NCALD: variants seen among roughly 807,000 people sequenced by gnomAD.
NCALD encodes the protein neurocalcin delta, also known as neurocalcin-delta.
Under a neutral mutation model 18.6 loss-of-function variants are expected in NCALD, and 10 were observed. That is an observed-to-expected ratio of 0.54 (90% CI 0.33 to 0.91). The LOEUF (loss-of-function observed/expected upper bound fraction) is 0.91. NCALD is among the 40% of genes least tolerant of loss of function. The pLI is 0.03. For synonymous variants in NCALD, 88 were observed against 87.4 expected (o/e 1.01, Z -0.04); for missense variants, 184 against 247.6 (o/e 0.74, Z 1.72).
chr8:101,933,716 C>T (rs1818657876), intron 2 of NCALD, among the ~76,000 whole-genome samples: 1 of 152,080 alleles, frequency 6.6e-6, no homozygotes, highest in African/African-American at 2.4e-5. Context: ...CTCATCGATC[C>T]TAAAGGACCT....
rs921098837 is a variant in NCALD at position 101,719,713 on chromosome 8, T to C, written c.-19-65A>G. The C allele has an allele frequency of 7.2e-6, 10 of 1,396,212 alleles. No individual in the cohort carries two copies. The African/African-American group carries it at 1.3e-4, about 18-fold the overall frequency. 86.5% of individuals were successfully genotyped at this position (1,396,212 alleles called of 1,614,324 possible). ...GCTCTTTAGGGCTGCATTTTATAAT[T>C]TGTAATTGTTCCTTTGGGAAGAAGA... On this transcript the variant is annotated intron_variant, in intron 1 of 3. Transcript: ENST00000220931.
chr8:102,028,715 T>A (rs921929775), intron 1 of NCALD, among the ~76,000 whole-genome samples: 16 of 152,254 alleles, frequency 1.1e-4, no homozygotes, highest in African/African-American at 3.1e-4. Flanking sequence ...TGAATTACAC[T>A]GCTCCTTGTG....
intron 2 of NCALD, among the ~76,000 whole-genome samples, chr8:101,696,645 C>T (rs1586227074): frequency 1.3e-5 from 2 of 152,302 alleles, no homozygotes; most frequent in Non-Finnish European, 2.9e-5. Context: ...CAACGAGCAA[C>T]AAAAGATGGA....
upstream of NCALD, among the ~76,000 whole-genome samples, chr8:101,791,929 G>C (rs558299589): frequency 6.6e-6 from 1 of 152,078 alleles, no homozygotes; most frequent in Non-Finnish European, 1.5e-5. Context: ...TTTCCTTTAC[G>C]ACGACCCTAG....
intron 3 of NCALD, among the ~76,000 whole-genome samples, chr8:101,888,623 C>T (rs542208): frequency 0.27 from 40,740 of 151,456 alleles, 5,858 homozygotes; most frequent in East Asian, 0.38. Flanking sequence ...TGCTATGTTG[C>T]CCAGGCTGGT....
upstream of NCALD, among the ~76,000 whole-genome samples, chr8:101,794,266 T>A (rs1384562086): frequency 1.3e-5 from 2 of 152,156 alleles, no homozygotes; most frequent in Non-Finnish European, 1.5e-5. Flanking sequence ...TGTACAACAC[T>A]ACAGTTAGCA....
intron 3 of NCALD, chr8:101,692,278 C>A (rs13281022): frequency 2.0e-6 from 2 of 985,228 alleles, no homozygotes; most frequent in South Asian, 9.4e-5. Context: ...ACCACTACCC[C>A]GGGCACCCCA....
At chr8:102,064,799 G>A (rs1489719857) in intron 1 of NCALD, among the ~76,000 whole-genome samples, 1 of 152,102 alleles carries the variant, frequency 6.6e-6, no homozygotes, top group African/African-American at 2.4e-5. Flanking sequence ...TTGAGCCAGT[G>A]TGCAAAGTTG....
intron 2 of NCALD, among the ~76,000 whole-genome samples, chr8:101,968,751 C>G (rs1820128369): frequency 6.6e-6 from 1 of 152,114 alleles, no homozygotes; most frequent in South Asian, 2.1e-4. Context: ...AAATGCTGGT[C>G]CAAACAGCAT....
intron 1 of NCALD, among the ~76,000 whole-genome samples, chr8:102,117,156 T>C (rs1825813854): frequency 6.6e-6 from 1 of 152,196 alleles, no homozygotes; most frequent in Admixed American, 6.5e-5. Flanking sequence ...AGAGGATAAA[T>C]ATCTGTTGCA....
chr8:101,750,599 T>C (rs1403176110), intron 1 of NCALD: 1 of 152,270 alleles, frequency 6.6e-6, no homozygotes, highest in Non-Finnish European at 1.5e-5. Flanking sequence ...GTCACTCACC[T>C]AAACAAAGAC....
At chr8:101,820,069 T>C (rs1813659284) in intron 4 of NCALD, among the ~76,000 whole-genome samples, 1 of 152,222 alleles carries the variant, frequency 6.6e-6, no homozygotes, top group Admixed American at 6.5e-5. Context: ...CCTTTACAAC[T>C]CTGAGGGTTA....
At chr8:102,052,112 T>TATACAAAGA (rs1823477465) in intron 1 of NCALD, among the ~76,000 whole-genome samples, 1 of 152,220 alleles carries the variant, frequency 6.6e-6, no homozygotes, top group African/African-American at 2.4e-5. Context: ...TTTATGAAGT[T>TATACAAAGA]ATACAAAGAA....
At chr8:101,774,813 G>A (rs1490089965) in intron 1 of NCALD, among the ~76,000 whole-genome samples, 1 of 152,170 alleles carries the variant, frequency 6.6e-6, no homozygotes, top group East Asian at 1.9e-4. Flanking sequence ...ATTTAACAAT[G>A]GCTCTCTCTA....
intron 2 of NCALD, among the ~76,000 whole-genome samples, chr8:101,712,170 A>G (rs1169606474): frequency 6.6e-6 from 1 of 152,224 alleles, no homozygotes; most frequent in Non-Finnish European, 1.5e-5. Context: ...ACTAAGCTTC[A>G]TAAGTGAAGG....
chr8:101,774,559 A>T (rs776644140), intron 1 of NCALD, among the ~76,000 whole-genome samples: 1 of 152,252 alleles, frequency 6.6e-6, no homozygotes, highest in Non-Finnish European at 1.5e-5. Context: ...GTTTACTCCC[A>T]TGAAGGTAGA....
intron 2 of NCALD, among the ~76,000 whole-genome samples, chr8:101,991,943 A>G (rs1821064902): frequency 2.0e-5 from 3 of 152,204 alleles, no homozygotes; most frequent in South Asian, 4.1e-4. Flanking sequence ...CTTGTCAACA[A>G]TTCCAGCACA....
chr8:101,794,389 G>A (rs78293832), upstream of NCALD, among the ~76,000 whole-genome samples: 1,088 of 152,188 alleles, frequency 7.1e-3, 8 homozygotes, highest in Middle Eastern at 0.041. Context: ...TAATAGGGAA[G>A]AGAGCCTCTC....
intron 2 of NCALD, among the ~76,000 whole-genome samples, chr8:102,012,436 C>T (rs1821936984): frequency 6.6e-6 from 1 of 152,212 alleles, no homozygotes; most frequent in African/African-American, 2.4e-5. Flanking sequence ...GGGAGCTGGG[C>T]TAATTGCTAA....
Sources: allele counts gnomAD v4.1 joint callset (sites outside exome capture counted in the v4.1 genomes callset), GRCh38; gene constraint gnomAD v4.1.1; transcripts MANE v1.5; gene names NCBI Gene and HGNC (gene_info 2026-07-23, HGNC 2026-07-21).